NCKAP5: variants seen among roughly 807,000 people sequenced by gnomAD.
NCKAP5 encodes NCK associated protein 5, also known as nck-associated protein 5.
NCKAP5 carries 92 observed loss-of-function variants against 167.0 expected under a neutral mutation model. That is an observed-to-expected ratio of 0.55 (90% CI 0.47 to 0.66). The LOEUF is 0.66. NCKAP5 is among the 30% of genes least tolerant of loss of function. The probability of loss-of-function intolerance (pLI) is 0.00; values close to 1 mark genes in which losing one functional copy is unlikely to be tolerated. For missense variants in NCKAP5, 2,378 were observed against 2,315.0 expected, an observed-to-expected ratio of 1.03 and a Z score of -0.56; for synonymous variants, 891 against 877.4, an observed-to-expected ratio of 1.02 and a Z score of -0.27.
intron 3 of NCKAP5, among the ~76,000 whole-genome samples, chr2:133,309,504 G>A (rs1681080021): frequency 6.6e-6 from 1 of 152,142 alleles, no homozygotes; most frequent in African/African-American, 2.4e-5. Flanking sequence ...GTTACACCAA[G>A]TCATATTTTA....
chr2:132,956,741 G>A (rs1457306416), intron 8 of NCKAP5, among the ~76,000 whole-genome samples: 2 of 152,062 alleles, frequency 1.3e-5, no homozygotes, highest in African/African-American at 4.8e-5. Flanking sequence ...TGTTGTTACC[G>A]AGGTCATAGC....
chr2:132,703,984 A>T (rs1374693040), intron 19 of NCKAP5, among the ~76,000 whole-genome samples: 1 of 152,130 alleles, frequency 6.6e-6, no homozygotes, highest in Admixed American at 6.6e-5. Flanking sequence ...GTCACCCCTT[A>T]GTCACATCTG....
intron 12 of NCKAP5, among the ~76,000 whole-genome samples, chr2:132,790,483 C>A (rs1238886916): frequency 6.6e-6 from 1 of 152,130 alleles, no homozygotes; most frequent in Non-Finnish European, 1.5e-5. Context: ...TGTTGAATAT[C>A]TCATGTAATT....
intron 3 of NCKAP5, among the ~76,000 whole-genome samples, chr2:133,413,633 T>G (rs1688916563): frequency 6.6e-6 from 1 of 152,108 alleles, no homozygotes; most frequent in Non-Finnish European, 1.5e-5. Flanking sequence ...CTAAACTTTA[T>G]AAATCAGAAG....
chr2:133,640,973 T>G, the NCKAP5 span, among the ~76,000 whole-genome samples: 1 of 152,242 alleles, frequency 6.6e-6, no homozygotes, highest in Admixed American at 6.5e-5. Context: ...CCCCTTTTCC[T>G]GTGCCTTTTC....
intron 3 of NCKAP5, among the ~76,000 whole-genome samples, chr2:133,327,530 T>G (rs1682536936): frequency 6.6e-6 from 1 of 152,136 alleles, no homozygotes; most frequent in Admixed American, 6.5e-5. Flanking sequence ...AATAAACTGG[T>G]TGGTCTGAGT....
chr2:133,546,830 G>A (rs557244490), intron 2 of NCKAP5, among the ~76,000 whole-genome samples: 4 of 152,302 alleles, frequency 2.6e-5, no homozygotes, highest in African/African-American at 9.6e-5. Flanking sequence ...AGGAAAAAGA[G>A]CAATTCTTTG....
chr2:133,087,006 G>T (rs1349634398), intron 6 of NCKAP5, among the ~76,000 whole-genome samples: 1 of 152,164 alleles, frequency 6.6e-6, no homozygotes, highest in Non-Finnish European at 1.5e-5. Flanking sequence ...GAGGGAGTGT[G>T]AGAAGCAGAA....
At chr2:133,504,238 C>T (rs1230487117) in intron 3 of NCKAP5, among the ~76,000 whole-genome samples, 1 of 63,210 alleles carries the variant, frequency 1.6e-5, no homozygotes, top group Non-Finnish European at 3.4e-5. Flanking sequence ...AAAGGCAATC[C>T]CTGGTGTATC....
At chr2:132,727,358 A>G (rs926363174) in intron 18 of NCKAP5, among the ~76,000 whole-genome samples, 2 of 152,146 alleles carry the variant, frequency 1.3e-5, no homozygotes, top group East Asian at 1.9e-4. Flanking sequence ...AATTTTCTCA[A>G]TTTGCCAGTT....
chr2:133,327,364 G>A (rs981719521), intron 3 of NCKAP5, among the ~76,000 whole-genome samples: 2 of 152,094 alleles, frequency 1.3e-5, no homozygotes, highest in South Asian at 2.1e-4. Context: ...TTCTCTCTAT[G>A]CAGTTAGGTA....
At chr2:133,308,407 G>A (rs1378765515) in intron 3 of NCKAP5, among the ~76,000 whole-genome samples, 1 of 151,786 alleles carries the variant, frequency 6.6e-6, no homozygotes, top group Non-Finnish European at 1.5e-5. Context: ...TTTTTGACTC[G>A]ATAATAAAAA....
the NCKAP5 span, among the ~76,000 whole-genome samples, chr2:133,613,438 A>C: frequency 1.3e-5 from 2 of 152,356 alleles, no homozygotes; most frequent in South Asian, 4.1e-4. Flanking sequence ...GGTTGCAATA[A>C]CAGTAGCTAA....
chr2:132,742,084 C>A (rs561079423), intron 16 of NCKAP5, among the ~76,000 whole-genome samples: 1 of 152,156 alleles, frequency 6.6e-6, no homozygotes, highest in South Asian at 2.1e-4. Flanking sequence ...TTCTGTACAA[C>A]AATCTACTCA....
intron 4 of NCKAP5, among the ~76,000 whole-genome samples, chr2:133,226,259 G>A (rs1046855659): frequency 6.6e-6 from 1 of 152,068 alleles, no homozygotes; most frequent in African/African-American, 2.4e-5. Context: ...TGGTTTTTAG[G>A]CTAAATTGGA....
chr2:133,012,772 T>C (rs1229448777), intron 6 of NCKAP5, among the ~76,000 whole-genome samples: 1 of 152,150 alleles, frequency 6.6e-6, no homozygotes, highest in African/African-American at 2.4e-5. Context: ...CTGTTTGCCC[T>C]ATCTGCTCAT....
At chr2:133,295,103 G>A (rs1574627935) in intron 4 of NCKAP5, among the ~76,000 whole-genome samples, 1 of 152,222 alleles carries the variant, frequency 6.6e-6, no homozygotes, top group East Asian at 1.9e-4. Context: ...TGGGATTGAG[G>A]TTCCTACAGG....
chr2:132,690,633 A>T (rs1383482441), intron 19 of NCKAP5, among the ~76,000 whole-genome samples: 1 of 152,140 alleles, frequency 6.6e-6, no homozygotes, highest in Non-Finnish European at 1.5e-5. Context: ...TTAAGCAAGG[A>T]CTTACTGTGC....
intron 16 of NCKAP5, 78 bp from the exon 17 acceptor site, chr2:132,732,129 A>G: frequency 1.5e-6 from 2 of 1,374,952 alleles, no homozygotes; most frequent in African/African-American, 2.9e-5. Flanking sequence ...AAATTGGGGT[A>G]TGATCTGGAG....
Sources: gnomAD v4.1 joint callset for allele counts (sites outside exome capture counted in the v4.1 genomes callset) on GRCh38, gnomAD v4.1.1 for gene constraint, MANE v1.5 for transcripts, NCBI Gene and HGNC (gene_info 2026-07-23, HGNC 2026-07-21) for gene names.